LRTM2: variants seen among roughly 807,000 people sequenced by gnomAD.
The protein encoded by LRTM2 is leucine rich repeat transmembrane protein 2, also known as leucine-rich repeat and transmembrane domain-containing protein 2.
Under a neutral mutation model 28.1 loss-of-function variants are expected in LRTM2, and 18 were observed. The observed-to-expected ratio is 0.64, with a 90% CI of 0.44 to 0.95. The LOEUF is 0.95. Ranked by LOEUF, LRTM2 falls within the 40% of genes least tolerant of loss-of-function variation. The probability of loss-of-function intolerance (pLI) is 0.00; values close to 1 mark genes in which losing one functional copy is unlikely to be tolerated. For synonymous variants in LRTM2, 250 were observed against 218.7 expected, an observed-to-expected ratio of 1.14 and a Z score of -1.26; for missense variants, 436 against 497.2, an observed-to-expected ratio of 0.88 and a Z score of 1.17.
rs193239383 is a variant in LRTM2 at position 1,833,612 on chromosome 12, G to A, written c.659-655G>A. On this transcript the variant is annotated intron_variant, in intron 4 of 4. Coordinates refer to ENST00000299194, the MANE Select transcript of LRTM2 (RefSeq NM_001039029.3). This position sits in a 1 kb window ranked among gnomAD's most constrained non-coding sequence, Gnocchi z 4.2. ...ACAGGGCTGTGGTTGGGGCACCGAT[G>A]GGGCCATTGGATTGCTCCTAAGGAG... Among the ~76,000 whole-genome samples, 6 of 152,324 alleles carry A rather than the reference G, an allele frequency of 3.9e-5. No individual in the cohort carries two copies. Among genetic ancestry groups the A allele is most frequent in the African/African-American group, 1.4e-4 (6 of 41,564 alleles).
At chr12:1,826,687 C>T (rs1864343978) in intron 1 of LRTM2, among the ~76,000 whole-genome samples, 2 of 143,706 alleles carry the variant, frequency 1.4e-5, no homozygotes, top group South Asian at 2.2e-4. Flanking sequence ...CACTCCGCTC[C>T]TCAGCAGGCT....
chr12:1,834,352 C>T lies in LRTM2; in HGVS notation c.744C>T (p.Asn248=). 2 of 1,613,124 alleles carry T rather than the reference C, an allele frequency of 1.2e-6. No homozygotes were observed. The highest frequency in any genetic ancestry group is 1.7e-6 in the Non-Finnish European group (2 of 1,179,974). ...GGATGGTCCCCATGGAGATGTTCAA[C>T]TACTGCTCCCAGCTGGAGGACGAGA... The part of the protein sequence containing the change: ...DMRMVPMEMF[N]YCSQLEDENS... The change falls in exon 5 of 5, where the codon AAC becomes AAT. Residue 248 remains asparagine (N), a synonymous_variant. Transcript: ENST00000299194. This position sits in a 1 kb window ranked among gnomAD's most constrained non-coding sequence, Gnocchi z 7.6.
Position 1,829,174 on chromosome 12 carries a change from C to G in LRTM2, c.67+959C>G, listed in dbSNP as rs2370056. ...CCTTGATCTCCAGGGAGGTGGGGGG[C>G]GCAGGGAGTCGCTCTTCCGCAGCGG... On this transcript the variant is annotated intron_variant, in intron 3 of 4. Transcript: ENST00000299194. This position sits in a 1 kb window ranked among gnomAD's most constrained non-coding sequence, Gnocchi z 4.2. Among the ~76,000 whole-genome samples, 1,589 of 152,260 alleles carry G rather than the reference C, an allele frequency of 0.01. 19 individuals carry two copies. Among genetic ancestry groups the G allele is most frequent in the African/African-American group, 0.034 (1,410 of 41,534 alleles).
chr12:1,823,258 G>A (rs1210046176), intron 1 of LRTM2: 4 of 152,386 alleles, frequency 2.6e-5, no homozygotes, highest in African/African-American at 9.7e-5. Flanking sequence ...GAGAGGAAGG[G>A]TGCGGACACC....
rs189280215 is a variant in LRTM2 at position 1,829,450 on chromosome 12, G to A, written c.67+1235G>A. 9.9e-5 allele frequency among the ~76,000 whole-genome samples: 15 copies of A among 152,156 alleles called. No homozygotes were observed. In the East Asian group the frequency reaches 1.2e-3, roughly 12 times the overall value. On this transcript the variant is annotated intron_variant, in intron 3 of 4. Coordinates refer to ENST00000299194, the MANE Select transcript of LRTM2 (RefSeq NM_001039029.3). The surrounding 1 kb of genome is among the most constrained non-coding windows in gnomAD (Gnocchi z 4.2). ...CAAGATGGCCAGAAAAAGGGTCTCC[G>A]GTGGCTTCCATGGCTGTACCTGTGC...
intron 1 of LRTM2, among the ~76,000 whole-genome samples, chr12:1,821,162 T>C (rs1283707147): frequency 6.6e-6 from 1 of 152,122 alleles, no homozygotes; most frequent in Non-Finnish European, 1.5e-5. Flanking sequence ...TGTGCTGTCG[T>C]TGTGCCCGGC....
intron 1 of LRTM2, among the ~76,000 whole-genome samples, chr12:1,827,141 C>T (rs893945939): frequency 2.3e-4 from 35 of 152,308 alleles, no homozygotes; most frequent in Admixed American, 1.1e-3. Context: ...TGCCCATCCC[C>T]GCCCTTGCCA....
Position 1,834,658 on chromosome 12 carries a change from G to C in LRTM2, c.1050G>C (p.Gln350His). ...AKYHRELKKR[Q>H]PLMGDPEGEH... ...ACCACCGGGAGCTCAAAAAGCGCCA[G>C]CCCCTGATGGGGGACCCCGAGGGCG... is the stretch of plus-strand genomic sequence containing the variant. Residue 350 changes from glutamine to histidine, a missense_variant, in exon 5 of 5, where the codon CAG (glutamine) becomes CAC (histidine). Physicochemically the swap from Gln to His is conservative, Grantham distance 24. Coordinates refer to ENST00000299194, the MANE Select transcript of LRTM2 (RefSeq NM_001039029.3). The surrounding 1 kb of genome is among the most constrained non-coding windows in gnomAD (Gnocchi z 7.6). The C allele has an allele frequency of 2.5e-6, 4 of 1,601,426 alleles. No homozygotes were observed. Among genetic ancestry groups the C allele is most frequent in the Non-Finnish European group, 3.4e-6 (4 of 1,179,790 alleles).
Position 1,835,617 on chromosome 12 carries a change from A to G in LRTM2, c.*896A>G, listed in dbSNP as rs1392124494. 1 of 152,648 alleles carries G rather than the reference A, an allele frequency of 6.6e-6. No homozygotes were observed. Among genetic ancestry groups the G allele is most frequent in the African/African-American group, 2.4e-5 (1 of 41,438 alleles). 9.5% of individuals were successfully genotyped at this position (152,648 alleles called of 1,614,324 possible). ...ACCAGGATCCTTTGAGATCCTCTAA[A>G]GTGGGCCAAAGTGGTGCCCCTGGAG... is the stretch of plus-strand genomic sequence containing the variant. On this transcript the variant is annotated 3_prime_UTR_variant, in exon 5 of 5. Transcript: ENST00000299194.
intron 4 of LRTM2, among the ~76,000 whole-genome samples, chr12:1,831,821 C>A (rs903900220): frequency 2.9e-5 from 4 of 136,210 alleles, no homozygotes; most frequent in Admixed American, 8.5e-5. Context: ...ACTCACTGAA[C>A]TGGATCTCCC....
rs1004830255 is a variant in LRTM2 at position 1,831,336 on chromosome 12, C to A, written c.469C>A (p.Pro157Thr). The A allele has an allele frequency of 1.9e-6, 3 of 1,613,802 alleles. No individual in the cohort carries two copies. In the African/African-American group the frequency reaches 4.0e-5, roughly 22 times the overall value. Residue 157 changes from proline to threonine, a missense_variant, in exon 4 of 5, where the codon CCT becomes ACT. Pro to Thr is a conservative substitution (Grantham distance 38, BLOSUM62 -1). Coordinates refer to ENST00000299194, the MANE Select transcript of LRTM2 (RefSeq NM_001039029.3). The part of the protein sequence containing the change: ...LSINGLAQLP[P>T]GLFDGLLALR... ...CATCAACGGCCTGGCCCAGTTGCCC[C>A]CTGGTCTTTTCGACGGGCTCCTGGC...
chr12:1,828,113 C>G lies in LRTM2; in HGVS notation c.-36C>G. 1 of 1,501,052 alleles carries G rather than the reference C, an allele frequency of 6.7e-7. No homozygotes were observed. The highest frequency in any genetic ancestry group is 8.9e-7 in the Non-Finnish European group (1 of 1,121,396). The allele number at this position is 1,501,052 out of a possible 1,614,324, so 93.0% of individuals were successfully genotyped here. A position where few individuals can be genotyped will look rare whatever the true frequency, so the allele number is the denominator to read the frequency against. On this transcript the variant is annotated 5_prime_UTR_variant, in exon 3 of 5. Coordinates refer to ENST00000299194, the MANE Select transcript of LRTM2 (RefSeq NM_001039029.3). The surrounding 1 kb of genome is among the most constrained non-coding windows in gnomAD (Gnocchi z 4.2). ...GCGCACCCAGGGGCTCCTCTCTCCC[C>G]AGAGCGACAGGGCCCGGAGAGCCGT... is the stretch of plus-strand genomic sequence containing the variant.
intron 1 of LRTM2, among the ~76,000 whole-genome samples, chr12:1,821,865 G>A (rs1048214531): frequency 6.6e-6 from 1 of 152,076 alleles, no homozygotes; most frequent in African/African-American, 2.4e-5. Context: ...TTTCTGGGGG[G>A]TGTTGGCACC....
At position 1,827,480 on chromosome 12, in the gene LRTM2, A is replaced by G. The variant is rs1864390874; in HGVS notation, c.-188A>G. On this transcript the variant is annotated 5_prime_UTR_variant, in exon 2 of 5. Coordinates refer to ENST00000299194, the MANE Select transcript of LRTM2 (RefSeq NM_001039029.3). ...GGCTGGCGGAAGACAGAGTGCTGCT[A>G]TTCACCTCTGCGTGGGCGTCGGTGG... 6.5e-6 allele frequency: 1 copy of G among 152,820 alleles called. No individual in the cohort carries two copies. Among genetic ancestry groups the G allele is most frequent in the Non-Finnish European group, 1.5e-5 (1 of 68,200 alleles). The allele number at this position is 152,820 out of a possible 1,614,324, so 9.5% of individuals were successfully genotyped here.
chr12:1,831,658 G>C, intron 4 of LRTM2, 133 bp downstream of exon 4: 1 of 722,708 alleles, frequency 1.4e-6, no homozygotes, highest in Non-Finnish European at 2.2e-6. Context: ...CTGCCTCTGT[G>C]CCAGCTCGGC....
chr12:1,824,553 G>C lies in LRTM2; in HGVS notation c.-258-2857G>C, dbSNP rs149549374. Among the ~76,000 whole-genome samples, 5 of 152,336 alleles carry C rather than the reference G, an allele frequency of 3.3e-5. No homozygotes were observed. The East Asian group carries it at 9.6e-4, about 29-fold the overall frequency. On this transcript the variant is annotated intron_variant, in intron 1 of 4. Transcript: ENST00000299194. ...CCTCCCTGTCTCTAGGACTGGGTTA[G>C]GAGCAGGCCCAGCATCCAGAGTGGA...
Position 1,828,599 on chromosome 12 carries a change from G to A in LRTM2, c.67+384G>A, listed in dbSNP as rs377165744. ...CTTGTCGGCCTGTGTCACAGACTGC[G>A]GCGAGCCCTTTTGCTCCCGTGGGGA... is the stretch of plus-strand genomic sequence containing the variant. On this transcript the variant is annotated intron_variant, in intron 3 of 4. Coordinates refer to ENST00000299194, the MANE Select transcript of LRTM2 (RefSeq NM_001039029.3). This position sits in a 1 kb window ranked among gnomAD's most constrained non-coding sequence, Gnocchi z 4.2. 2.0e-4 allele frequency among the ~76,000 whole-genome samples: 30 copies of A among 152,196 alleles called. No individual in the cohort carries two copies. Among genetic ancestry groups the A allele is most frequent in the East Asian group, 3.9e-4 (2 of 5,194 alleles).
rs920744701 is a variant in LRTM2, at chr12:1,833,415, C to T, written c.659-852C>T. Among the ~76,000 whole-genome samples the T allele has an allele frequency of 5.3e-5, 8 of 152,140 alleles. No individual in the cohort carries two copies. Among genetic ancestry groups the T allele is most frequent in the Non-Finnish European group, 1.2e-4 (8 of 68,032 alleles). On this transcript the variant is annotated intron_variant, in intron 4 of 4. Transcript: ENST00000299194. This position sits in a 1 kb window ranked among gnomAD's most constrained non-coding sequence, Gnocchi z 4.2. Reference sequence around the variant, plus strand: ...TCCTCAACCACCTTCTCTCTCACCCCAGCCCTGTCCTGCATCTGTGTCTCC... The same window carrying T: ...TCCTCAACCACCTTCTCTCTCACCCTAGCCCTGTCCTGCATCTGTGTCTCC...
At chr12:1,831,747 A>G (rs879525802) in intron 4 of LRTM2, among the ~76,000 whole-genome samples, 1 of 114,316 alleles carries the variant, frequency 8.7e-6, no homozygotes, top group Non-Finnish European at 1.8e-5. Flanking sequence ...TGCTCCCTCC[A>G]CCCCCACCCT....
Sources: allele counts gnomAD v4.1 joint callset (sites outside exome capture counted in the v4.1 genomes callset), GRCh38; gene constraint gnomAD v4.1.1; non-coding constraint Gnocchi (gnomAD v3.1); transcripts MANE v1.5; gene names NCBI Gene and HGNC (gene_info 2026-07-23, HGNC 2026-07-21).